The following PPP1CB variants were observed in gnomAD, a reference collection of about 807,000 sequenced individuals.
PPP1CB encodes serine/threonine-protein phosphatase PP1-beta catalytic subunit.
Under a neutral mutation model 43.7 loss-of-function variants are expected in PPP1CB, and 2 were observed. The observed-to-expected ratio is 0.05, with a 90% CI of 0.02 to 0.14. The LOEUF (loss-of-function observed/expected upper bound fraction) is 0.14. PPP1CB is among the 10% of genes least tolerant of loss of function. The pLI, the probability that PPP1CB is intolerant of heterozygous loss-of-function variation, is 1.00. For synonymous variants in PPP1CB, 136 were observed against 135.6 expected (o/e 1.00, Z -0.02); for missense variants, 84 against 398.0 (o/e 0.21, Z 6.71).
In PPP1CB at chr2:28,801,516, A is replaced by G. The variant is rs948806754; in HGVS notation, c.*2213A>G. The G allele has an allele frequency of 5.7e-4, 87 of 152,212 alleles. No individual in the cohort carries two copies. Among genetic ancestry groups the G allele is most frequent in the African/African-American group, 1.9e-3 (79 of 41,530 alleles). The allele number at this position is 152,212 out of a possible 1,614,324, so 9.4% of individuals were successfully genotyped here. On this transcript the variant is annotated 3_prime_UTR_variant, in exon 8 of 8. Coordinates refer to ENST00000395366, the MANE Select transcript of PPP1CB (RefSeq NM_002709.3). ...ATTGGTCATTAAATTTAAAGGATGG[A>G]AATTTATCATGTTTAAAAATTATTC...
intron 1 of PPP1CB, among the ~76,000 whole-genome samples, chr2:28,753,362 A>G (rs775216181): frequency 6.6e-5 from 10 of 152,160 alleles, no homozygotes; most frequent in Non-Finnish European, 1.2e-4. Context: ...CCTTTTTCTC[A>G]AAGTATGTGT....
chr2:28,786,774 CAAAAAAA>C (rs70956040), intron 5 of PPP1CB, among the ~76,000 whole-genome samples: 4 of 94,908 alleles, frequency 4.2e-5, no homozygotes, highest in South Asian at 3.8e-4. Context: ...GACTCCGTCT[CAAAAAAA>C]AAAAAAAAAA....
At chr2:28,789,711 G>C (rs143125245) in intron 6 of PPP1CB, among the ~76,000 whole-genome samples, 2,530 of 144,142 alleles carry the variant, frequency 0.018, 72 homozygotes, top group African/African-American at 0.061. Flanking sequence ...CGATTCTTCT[G>C]CCTCAGCCTC....
chr2:28,784,017 GTTTTCATA>G, intron 5 of PPP1CB, 39 bp downstream of exon 5: 1 of 1,471,522 alleles, frequency 6.8e-7, no homozygotes, highest in Non-Finnish European at 9.5e-7. Context: ...TGTGTAAAGT[GTTTTCATA>G]TTTGAACTTG....
intron 2 of PPP1CB, chr2:28,778,258 GTTTTAGTT>G (rs1469182499): frequency 4.9e-6 from 2 of 406,086 alleles, no homozygotes; most frequent in Admixed American, 2.9e-5. Flanking sequence ...TAATAAAATT[GTTTTAGTT>G]ACCTATTGTT....
At chr2:28,756,700 C>T (rs1666496938) in intron 1 of PPP1CB, among the ~76,000 whole-genome samples, 1 of 152,130 alleles carries the variant, frequency 6.6e-6, no homozygotes, top group Non-Finnish European at 1.5e-5. Flanking sequence ...GTTGCCCAGT[C>T]TGGTCTTGAA....
rs1291974875 is a variant in PPP1CB at position 28,776,876 on chromosome 2, T to G, written c.78T>G (p.Ile26Met). 4 of 1,612,784 alleles carry G rather than the reference T, an allele frequency of 2.5e-6. No individual in the cohort carries two copies. Among genetic ancestry groups the G allele is most frequent in the Non-Finnish European group, 2.5e-6 (3 of 1,179,102 alleles). ...LEVRGCRPGK[I>M]VQMTEAEVRG... ...TACGAGGATGTCGTCCAGGAAAGAT[T>G]GTGCAGATGACTGAAGCAGAAGTTC... is the stretch of plus-strand genomic sequence containing the variant. Residue 26 changes from isoleucine to methionine, a missense_variant, in exon 2 of 8, where the codon ATT becomes ATG. Ile to Met is a conservative substitution (Grantham distance 10). This residue lies in a region of PPP1CB where 27 missense variants were observed against 42.7 expected (regional missense o/e 0.63). Coordinates refer to ENST00000395366, the MANE Select transcript of PPP1CB (RefSeq NM_002709.3).
At chr2:28,761,874 T>G (rs1217191883) in intron 1 of PPP1CB, among the ~76,000 whole-genome samples, 1 of 152,154 alleles carries the variant, frequency 6.6e-6, no homozygotes, top group Non-Finnish European at 1.5e-5. Flanking sequence ...AAACTTTGAG[T>G]CTTGAGACCC....
At chr2:28,758,546 T>C (rs1373534994) in intron 1 of PPP1CB, among the ~76,000 whole-genome samples, 1 of 152,210 alleles carries the variant, frequency 6.6e-6, no homozygotes, top group Non-Finnish European at 1.5e-5. Context: ...CCACTGCTTC[T>C]AGCAGCTTTA....
At chr2:28,795,296 G>A (rs1230888219) in intron 7 of PPP1CB, among the ~76,000 whole-genome samples, 7 of 152,152 alleles carry the variant, frequency 4.6e-5, no homozygotes, top group African/African-American at 1.7e-4. Context: ...GAATAGTGCT[G>A]TGATTAACAT....
At chr2:28,764,943 C>T (rs1182633015) in intron 1 of PPP1CB, among the ~76,000 whole-genome samples, 1 of 151,912 alleles carries the variant, frequency 6.6e-6, no homozygotes, top group East Asian at 1.9e-4. Context: ...TATGAGACAC[C>T]GTGCATAGGT....
chr2:28,783,797 C>A, intron 4 of PPP1CB, 110 bp from the exon 5 acceptor site: 3 of 701,416 alleles, frequency 4.3e-6, no homozygotes, highest in Non-Finnish European at 7.1e-6. Flanking sequence ...TTTTCAGTAT[C>A]TTTAATTTCA....
Position 28,795,748 on chromosome 2 carries a change from G to C in PPP1CB, c.879+1751G>C, listed in dbSNP as rs757132921. ...TTTTCTCTCATTCTATAGGTTGTCT[G>C]TTTATTCTGTTGATAGTTTATTTTG... is the stretch of plus-strand genomic sequence containing the variant. On this transcript the variant is annotated intron_variant, in intron 7 of 7. Coordinates refer to ENST00000395366, the MANE Select transcript of PPP1CB (RefSeq NM_002709.3). 2.6e-5 allele frequency among the ~76,000 whole-genome samples: 4 copies of C among 152,182 alleles called. No homozygotes were observed. In the South Asian group the frequency reaches 6.2e-4, roughly 24 times the overall value.
Position 28,751,846 on chromosome 2 carries a change from C to G in PPP1CB, c.-279C>G, listed in dbSNP as rs769207814. The stretch of plus-strand genomic sequence containing the variant: ...GTGAGCTTTGCGGAGCTGGGCGGTG[C>G]CGAGGAGGAGGAGGTGGCGGCCTGG... On this transcript the variant is annotated 5_prime_UTR_variant, in exon 1 of 8. Coordinates refer to ENST00000395366, the MANE Select transcript of PPP1CB (RefSeq NM_002709.3). The G allele has an allele frequency of 1.9e-6, 1 of 528,008 alleles. No homozygotes were observed. Among genetic ancestry groups the G allele is most frequent in the Admixed American group, 2.9e-5 (1 of 34,230 alleles). The allele number at this position is 528,008 out of a possible 1,614,324, so 32.7% of individuals were successfully genotyped here. A position where few individuals can be genotyped will look rare whatever the true frequency, so the allele number is the denominator to read the frequency against.
intron 6 of PPP1CB, 110 bp from the exon 7 acceptor site, chr2:28,793,753 G>A: frequency 8.4e-7 from 1 of 1,187,852 alleles, no homozygotes; most frequent in Non-Finnish European, 1.2e-6. Context: ...AAACAGGGTG[G>A]TTTGGGGGTG....
intron 1 of PPP1CB, among the ~76,000 whole-genome samples, chr2:28,762,839 A>G (rs987765113): frequency 3.9e-5 from 6 of 152,236 alleles, no homozygotes; most frequent in African/African-American, 9.6e-5. Flanking sequence ...ACATTTGTTA[A>G]TGTTACAAGA....
At position 28,778,825 on chromosome 2, in the gene PPP1CB, A is replaced by G. The variant is rs1128416; in HGVS notation, c.201A>G (p.Gln67=). The part of the protein sequence containing the change: ...PLKICGDIHG[Q]YTDLLRLFEY... Reference sequence around the variant, plus strand: ...TCTTTTTAGGAGATATTCATGGACAATATACAGATTTACTGAGATTATTTG... The same window carrying G: ...TCTTTTTAGGAGATATTCATGGACAGTATACAGATTTACTGAGATTATTTG... The change falls in exon 3 of 8, where the codon CAA becomes CAG. Residue 67 remains glutamine (Q), a synonymous_variant. Transcript: ENST00000395366. 912,712 of 1,580,604 alleles carry G rather than the reference A, an allele frequency of 0.58. 268,808 individuals carry two copies. Among genetic ancestry groups the G allele is most frequent in the Middle Eastern group, 0.63 (3,738 of 5,964 alleles).
At chr2:28,770,643 T>C (rs530870866) in intron 1 of PPP1CB, among the ~76,000 whole-genome samples, 1 of 152,210 alleles carries the variant, frequency 6.6e-6, no homozygotes, top group African/African-American at 2.4e-5. Context: ...ACCACAACCA[T>C]AGATCAGTGC....
intron 7 of PPP1CB, among the ~76,000 whole-genome samples, chr2:28,796,570 CA>C (rs1667501729): frequency 6.6e-6 from 1 of 152,054 alleles, no homozygotes; most frequent in South Asian, 2.1e-4. Context: ...ATTTGGCTCT[CA>C]GCTTGGATGT....
Sources: allele counts gnomAD v4.1 joint callset (sites outside exome capture counted in the v4.1 genomes callset), GRCh38; gene constraint gnomAD v4.1.1; regional missense constraint gnomAD v4.1.1; transcripts MANE v1.5; gene names NCBI Gene and HGNC (gene_info 2026-07-23, HGNC 2026-07-21).